Variants in ARHGEF7 observed in about 807,000 individuals in gnomAD.
ARHGEF7 encodes the protein Rho guanine nucleotide exchange factor 7, also known as PAK-interacting exchange factor beta.
In ARHGEF7, 33 loss-of-function variants were observed where a neutral mutation model predicts 109.8. The observed-to-expected ratio is 0.30, with a 90% CI of 0.23 to 0.40. The LOEUF is 0.40. Ranked by LOEUF, ARHGEF7 falls within the 10% of genes least tolerant of loss-of-function variation. ARHGEF7 has a pLI of 1.00. For missense variants in ARHGEF7, 938 were observed against 1,098.5 expected, an observed-to-expected ratio of 0.85 and a Z score of 2.07; for synonymous variants, 458 against 424.6, an observed-to-expected ratio of 1.08 and a Z score of -0.97.
At chr13:111,256,494 C>G (rs933324390) in intron 8 of ARHGEF7, among the ~76,000 whole-genome samples, 2 of 152,172 alleles carry the variant, frequency 1.3e-5, no homozygotes, top group South Asian at 4.1e-4. Context: ...GTTGTTAGCT[C>G]CTGCCTCTGA....
chr13:111,246,684 T>G (rs2088906826), intron 8 of ARHGEF7, among the ~76,000 whole-genome samples: 1 of 152,232 alleles, frequency 6.6e-6, no homozygotes, highest in Non-Finnish European at 1.5e-5. Context: ...CATGAAAGAA[T>G]AGCTTGGGAA....
chr13:111,215,355 C>A (rs2082994987), intron 4 of ARHGEF7, among the ~76,000 whole-genome samples: 1 of 143,164 alleles, frequency 7.0e-6, no homozygotes, highest in African/African-American at 2.5e-5. Context: ...GCCTGTGTGT[C>A]TCTAAATAAA....
At position 111,258,051 on chromosome 13, in the gene ARHGEF7, G is replaced by A. The variant is rs775845563; in HGVS notation, c.951-9497G>A. Among the ~76,000 whole-genome samples the A allele has an allele frequency of 6.6e-5, 10 of 152,250 alleles. No individual in the cohort carries two copies. The highest frequency in any genetic ancestry group is 1.3e-4 in the Non-Finnish European group (9 of 68,036). ...TGTTGTGCTGGGGCTCTGAGCCAGT[G>A]GCCTTGGGGGGCCTGCAACCTAGTG... is the stretch of plus-strand genomic sequence containing the variant. On this transcript the variant is annotated intron_variant, in intron 8 of 21. Transcript: ENST00000646102. This position sits in a 1 kb window ranked among gnomAD's most constrained non-coding sequence, Gnocchi z 4.4.
chr13:111,166,582 A>T (rs1435727477), intron 2 of ARHGEF7, among the ~76,000 whole-genome samples: 1 of 152,182 alleles, frequency 6.6e-6, no homozygotes, highest in Non-Finnish European at 1.5e-5. Context: ...TCTAGTTTTT[A>T]TCAAGAGGGT....
chr13:111,267,230 T>C (rs55877160), intron 8 of ARHGEF7, among the ~76,000 whole-genome samples: 8,302 of 152,344 alleles, frequency 0.054, 297 homozygotes, highest in Non-Finnish European at 0.08. Context: ...ATAATTCTCC[T>C]TATTTTATGC....
At chr13:111,270,047 T>A (rs2092011474) in intron 9 of ARHGEF7, among the ~76,000 whole-genome samples, 1 of 152,248 alleles carries the variant, frequency 6.6e-6, no homozygotes, top group African/African-American at 2.4e-5. Context: ...TGTCCTTGTG[T>A]TACTTGGGTT....
In ARHGEF7 at chr13:111,288,402, C is replaced by G; in HGVS notation, c.2093C>G (p.Ala698Gly). 1 of 1,613,828 alleles carries G rather than the reference C, an allele frequency of 6.2e-7. No homozygotes were observed. The highest frequency in any genetic ancestry group is 8.5e-7 in the Non-Finnish European group (1 of 1,179,744). Residue 698 changes from alanine (A) to glycine (G), a missense_variant, in exon 18 of 22, where the codon GCT becomes GGT. Ala to Gly is a moderately conservative substitution (Grantham distance 60). This residue lies in a region of ARHGEF7 where 22 missense variants were observed against 81.9 expected (regional missense o/e 0.27). Coordinates refer to ENST00000646102, the MANE Select transcript of ARHGEF7 (RefSeq NM_001354046.2). ...EDAQILKVIE[A>G]YCTSAKTRQT... Reference sequence around the variant, plus strand: ...GCTCAGATTCTGAAAGTCATTGAAGCTTACTGCACCAGCGCCAAAACAAGG... The same window carrying G: ...GCTCAGATTCTGAAAGTCATTGAAGGTTACTGCACCAGCGCCAAAACAAGG...
chr13:111,221,397 ATATC>A lies in ARHGEF7; in HGVS notation c.670+3521_670+3524del, dbSNP rs1392231337. Among the ~76,000 whole-genome samples, 5 of 38,738 alleles carry A rather than the reference ATATC, an allele frequency of 1.3e-4. 2 individuals carry two copies. The highest frequency in any genetic ancestry group is 2.7e-4 in the Non-Finnish European group (5 of 18,692). The allele number at this position is 38,738 out of a possible 152,430, so 25.4% of individuals were successfully genotyped here. ...TATATCTATATATATAGATGTCTATATATCTATATATATAGATGTCTATATATCT... is the reference window on the plus strand; with the variant it reads ...TATATCTATATATATAGATGTCTATATATATATATAGATGTCTATATATCT... On this transcript the variant is annotated intron_variant, in intron 5 of 21. Coordinates refer to ENST00000646102, the MANE Select transcript of ARHGEF7 (RefSeq NM_001354046.2).
chr13:111,200,094 G>A (rs571223000), intron 2 of ARHGEF7, among the ~76,000 whole-genome samples: 127 of 152,162 alleles, frequency 8.3e-4, no homozygotes, highest in African/African-American at 3.0e-3. Flanking sequence ...AACACCTAGG[G>A]CGACTTTTCC....
At chr13:111,186,730 ATAACT>A in intron 2 of ARHGEF7, 1 of 762,222 alleles carries the variant, frequency 1.3e-6, no homozygotes, top group Non-Finnish European at 1.6e-6. Flanking sequence ...TGTGTCAAGA[ATAACT>A]TTCTCAAGTT....
intron 3 of ARHGEF7, among the ~76,000 whole-genome samples, chr13:111,205,953 A>G (rs1007668237): frequency 3.3e-5 from 5 of 152,108 alleles, no homozygotes; most frequent in African/African-American, 4.8e-5. Context: ...TTGTTCAGAC[A>G]GGTCCTCTGA....
intron 2 of ARHGEF7, among the ~76,000 whole-genome samples, chr13:111,155,261 C>T (rs925192730): frequency 1.3e-5 from 2 of 152,146 alleles, no homozygotes; most frequent in Non-Finnish European, 2.9e-5. Context: ...ACAGAGGTTT[C>T]CCTTCCCGAA....
At chr13:111,203,226 A>T in intron 2 of ARHGEF7, 2 of 569,072 alleles carry the variant, frequency 3.5e-6, no homozygotes, top group Non-Finnish European at 5.1e-6. Context: ...GAGCTGAAAG[A>T]CATTCAGATC....
intron 2 of ARHGEF7, chr13:111,185,359 T>G (rs1415519858): frequency 6.6e-6 from 1 of 152,232 alleles, no homozygotes. Context: ...CCTCAAACCC[T>G]GTTTAGACTG....
chr13:111,227,993 C>T (rs750745523), intron 5 of ARHGEF7, among the ~76,000 whole-genome samples: 2 of 152,192 alleles, frequency 1.3e-5, no homozygotes, highest in Admixed American at 6.5e-5. Flanking sequence ...CAAATACTTA[C>T]TTTGGTGAGC....
intron 8 of ARHGEF7, among the ~76,000 whole-genome samples, chr13:111,251,081 C>T (rs2089692089): frequency 6.6e-6 from 1 of 152,194 alleles, no homozygotes; most frequent in Non-Finnish European, 1.5e-5. Context: ...GCTGAAAGTT[C>T]CTGTGATCAT....
At chr13:111,169,069 T>TA (rs1250059819) in intron 2 of ARHGEF7, among the ~76,000 whole-genome samples, 5 of 152,174 alleles carry the variant, frequency 3.3e-5, no homozygotes, top group African/African-American at 1.2e-4. Flanking sequence ...ATAATGACAA[T>TA]AGTAGCGGTT....
chr13:111,206,846 C>T (rs918710425), intron 3 of ARHGEF7, among the ~76,000 whole-genome samples: 2 of 151,470 alleles, frequency 1.3e-5, no homozygotes, highest in Non-Finnish European at 2.9e-5. Flanking sequence ...CCTGTAGTCC[C>T]AGCTACTCGG....
At chr13:111,162,922 G>C (rs1182721698) in intron 2 of ARHGEF7, among the ~76,000 whole-genome samples, 1 of 152,168 alleles carries the variant, frequency 6.6e-6, no homozygotes, top group Non-Finnish European at 1.5e-5. Flanking sequence ...GGGATGGGAC[G>C]CCCAGCCAAG....
Sources: gnomAD v4.1 joint callset for allele counts (sites outside exome capture counted in the v4.1 genomes callset) on GRCh38, gnomAD v4.1.1 for gene constraint, gnomAD v4.1.1 regional missense constraint, Gnocchi (gnomAD v3.1) non-coding constraint, MANE v1.5 for transcripts, NCBI Gene and HGNC (gene_info 2026-07-23, HGNC 2026-07-21) for gene names.